Variants in PLG observed in about 807,000 individuals in gnomAD.
PLG encodes plasmin.
In PLG, 41 loss-of-function variants were observed where a neutral mutation model predicts 104.4. That is an observed-to-expected ratio of 0.39 (90% CI 0.31 to 0.51). The LOEUF is 0.51. Among genes scored for constraint, PLG ranks in the 20% least tolerant of loss-of-function variants. The probability of loss-of-function intolerance (pLI) is 0.76; values close to 1 mark genes in which losing one functional copy is unlikely to be tolerated. For missense variants in PLG, 891 were observed against 1,003.6 expected, an observed-to-expected ratio of 0.89 and a Z score of 1.52; for synonymous variants, 337 against 357.1, an observed-to-expected ratio of 0.94 and a Z score of 0.63.
chr6:160,743,590 TCA>T (rs1778230375), intron 17 of PLG, among the ~76,000 whole-genome samples: 2 of 152,134 alleles, frequency 1.3e-5, no homozygotes, highest in Admixed American at 6.5e-5. Flanking sequence ...AGACATAGAG[TCA>T]TGTCATCTGC....
At chr6:160,742,036 C>T (rs769295100) in intron 17 of PLG, among the ~76,000 whole-genome samples, 3 of 152,138 alleles carry the variant, frequency 2.0e-5, no homozygotes, top group Non-Finnish European at 2.9e-5. Flanking sequence ...TGTATATGTA[C>T]CACATATTCT....
Position 160,735,634 on chromosome 6 carries a change from C to G in PLG, c.1682-1253C>G, listed in dbSNP as rs147492830. 1.3e-5 allele frequency among the ~76,000 whole-genome samples: 2 copies of G among 152,300 alleles called. No individual in the cohort carries two copies. The highest frequency in any genetic ancestry group is 4.1e-4 in the South Asian group (2 of 4,820). On this transcript the variant is annotated intron_variant, in intron 13 of 18. Coordinates refer to ENST00000308192, the MANE Select transcript of PLG (RefSeq NM_000301.5). The surrounding 1 kb of genome is among the most constrained non-coding windows in gnomAD (Gnocchi z 5.4). Reference sequence around the variant, plus strand: ...GGATATGGTTTATTCAGGTTTGACTCGTGCTTGAGAAAGCTAGAGCCTCTG... The same window carrying G: ...GGATATGGTTTATTCAGGTTTGACTGGTGCTTGAGAAAGCTAGAGCCTCTG...
chr6:160,730,899 A>G, intron 10 of PLG, 152 bp from the exon 11 acceptor site: 1 of 723,710 alleles, frequency 1.4e-6, no homozygotes, highest in Non-Finnish European at 2.4e-6. Flanking sequence ...GAAGTTGAGG[A>G]CCATTTTTGT....
At chr6:160,718,219 C>A in intron 7 of PLG, 75 bp from the exon 8 acceptor site, 2 of 1,338,254 alleles carry the variant, frequency 1.5e-6, no homozygotes, top group South Asian at 1.2e-5. Context: ...GCCACTGACT[C>A]CAGCCTGGGC....
At position 160,706,474 on chromosome 6, in the gene PLG, G is replaced by A. The variant is rs1391528827; in HGVS notation, c.117G>A (p.Lys39=). ...QGASLFSVTK[K]QLGAGSIEEC... is the part of the protein sequence containing the mutation. ...CTTCACTGTTCAGTGTCACTAAGAA[G>A]CAGCTGGGAGCAGGAAGTATAGAAG... The change falls in exon 2 of 19, where the codon AAG becomes AAA. Residue 39 remains lysine (K), a synonymous_variant. Transcript: ENST00000308192. 1 of 1,613,848 alleles carries A rather than the reference G, an allele frequency of 6.2e-7. No homozygotes were observed. Among genetic ancestry groups the A allele is most frequent in the East Asian group, 2.2e-5 (1 of 44,886 alleles).
Position 160,718,390 on chromosome 6 carries a change from C to A in PLG, c.884C>A (p.Thr295Asn), listed in dbSNP as rs760457084. 1 of 1,613,792 alleles carries A rather than the reference C, an allele frequency of 6.2e-7. No individual in the cohort carries two copies. Among genetic ancestry groups the A allele is most frequent in the East Asian group, 2.2e-5 (1 of 44,884 alleles). ...GTGGCTGTTACCGTGTCCGGGCACA[C>A]CTGTCAGCACTGGAGTGCACAGACC... is the stretch of plus-strand genomic sequence containing the variant. ...GNVAVTVSGH[T>N]CQHWSAQTPH... The change falls in exon 8 of 19, where the codon ACC (threonine) becomes AAC (asparagine). Residue 295 changes from threonine (T) to asparagine (N), a missense_variant. By Grantham distance (65) the Thr-to-Asn change is moderately conservative. Transcript: ENST00000308192.
intron 4 of PLG, chr6:160,711,652 A>G (rs1777644504): frequency 6.2e-7 from 1 of 1,610,758 alleles, no homozygotes; most frequent in Admixed American, 1.7e-5. Flanking sequence ...GTTGCTTTCT[A>G]TTTTTTCTTG....
At chr6:160,710,626 C>G (rs1490426075) in intron 3 of PLG, among the ~76,000 whole-genome samples, 4 of 152,286 alleles carry the variant, frequency 2.6e-5, no homozygotes, top group Non-Finnish European at 5.9e-5. Flanking sequence ...TGGGTTGGAT[C>G]TCTTTCAGCC....
At chr6:160,749,382 C>A (rs1562383945) in intron 17 of PLG, among the ~76,000 whole-genome samples, 1 of 151,758 alleles carries the variant, frequency 6.6e-6, no homozygotes, top group East Asian at 1.9e-4. Context: ...TCAACATCAC[C>A]ATCATCACTA....
rs4252067 is a variant in PLG at position 160,706,203 on chromosome 6, T to C, written c.50-204T>C. 2,773 of 659,456 alleles carry C rather than the reference T, an allele frequency of 4.2e-3. 38 individuals are homozygous for C. Among genetic ancestry groups the C allele is most frequent in the African/African-American group, 0.034 (1,869 of 54,886 alleles). The allele number at this position is 659,456 out of a possible 1,614,324, so 40.9% of individuals were successfully genotyped here. ...CTTCTCTGGTAGTCCCCAGTGTCTT[T>C]AGTTGCCATCTTTATTTATGTCCAA... On this transcript the variant is annotated intron_variant, in intron 1 of 18. Coordinates refer to ENST00000308192, the MANE Select transcript of PLG (RefSeq NM_000301.5).
chr6:160,713,273 A>ATTTTTTTTTT, intron 5 of PLG, 148 bp downstream of exon 5: 1 of 519,702 alleles, frequency 1.9e-6, no homozygotes, highest in Admixed American at 2.9e-5. Context: ...ATTAACCTGA[A>ATTTTTTTTTT]TTTTTTTTTT....
At position 160,722,682 on chromosome 6, in the gene PLG, G is replaced by A. The variant is rs1452682710; in HGVS notation, c.1256+115G>A. ...TAGGACCAAATTTCTCTTAGACCCA[G>A]AATGTGTAGAAAAATGTCTCAAGAA... is the stretch of plus-strand genomic sequence containing the variant. On this transcript the variant is annotated intron_variant, in intron 10 of 18. Coordinates refer to ENST00000308192, the MANE Select transcript of PLG (RefSeq NM_000301.5). The A allele has an allele frequency of 1.5e-5, 13 of 886,140 alleles. 1 individual carries two copies. The highest frequency in any genetic ancestry group is 2.4e-5 in the Non-Finnish European group (13 of 537,710). 54.9% of individuals were successfully genotyped at this position (886,140 alleles called of 1,614,324 possible).
At chr6:160,747,836 G>T (rs1289418067) in intron 17 of PLG, among the ~76,000 whole-genome samples, 1 of 152,192 alleles carries the variant, frequency 6.6e-6, no homozygotes, top group Admixed American at 6.5e-5. Flanking sequence ...GTGCCAGGCT[G>T]CTCCCAGTGT....
At position 160,718,676 on chromosome 6, in the gene PLG, A is replaced by G; in HGVS notation, c.951-17A>G. ...TTTCTTTTTGGAAAGCTAAACTCAC[A>G]ATCACTTCTTTTTCAGAAATTTGGA... On this transcript the variant is annotated splice_polypyrimidine_tract_variant and intron_variant, in intron 8 of 18. Coordinates refer to ENST00000308192, the MANE Select transcript of PLG (RefSeq NM_000301.5). 1 of 1,613,738 alleles carries G rather than the reference A, an allele frequency of 6.2e-7. No homozygotes were observed. The highest frequency in any genetic ancestry group is 8.5e-7 in the Non-Finnish European group (1 of 1,179,686).
intron 9 of PLG, among the ~76,000 whole-genome samples, chr6:160,720,973 A>T (rs1401013466): frequency 2.6e-5 from 4 of 151,102 alleles, no homozygotes. Flanking sequence ...TTTATGGATT[A>T]TTTTTTCAGT....
chr6:160,749,843 TACC>T (rs536034297), intron 17 of PLG, among the ~76,000 whole-genome samples: 91 of 145,370 alleles, frequency 6.3e-4, no homozygotes, highest in South Asian at 4.5e-3. Context: ...CAATTATCAT[TACC>T]ACCACCATCA....
intron 17 of PLG, among the ~76,000 whole-genome samples, chr6:160,748,643 C>G (rs1006205535): frequency 1.3e-5 from 2 of 152,148 alleles, no homozygotes; most frequent in Non-Finnish European, 2.9e-5. Flanking sequence ...TTGTATCTAA[C>G]ATGACTCTTT....
At chr6:160,707,200 G>C (rs1777543097) in intron 2 of PLG, among the ~76,000 whole-genome samples, 1 of 152,110 alleles carries the variant, frequency 6.6e-6, no homozygotes, top group South Asian at 2.1e-4. Context: ...GAGACTTTGT[G>C]TAGGTGACGG....
rs193235051 is a variant in PLG, at chr6:160,714,267, T to G, written c.548-527T>G. On this transcript the variant is annotated intron_variant, in intron 5 of 18. Coordinates refer to ENST00000308192, the MANE Select transcript of PLG (RefSeq NM_000301.5). ...AACATAAAAAGAGAAGCGCTGTCAC[T>G]TCAGGTGAATATTGTTCTCCCTGAG... Among the ~76,000 whole-genome samples, 451 of 152,350 alleles carry G rather than the reference T, an allele frequency of 3.0e-3. 1 individual carries two copies. Among genetic ancestry groups the G allele is most frequent in the Admixed American group, 6.0e-3 (92 of 15,308 alleles).
Sources: gnomAD v4.1 joint callset for allele counts (sites outside exome capture counted in the v4.1 genomes callset) on GRCh38, gnomAD v4.1.1 for gene constraint, Gnocchi (gnomAD v3.1) non-coding constraint, MANE v1.5 for transcripts, NCBI Gene and HGNC (gene_info 2026-07-23, HGNC 2026-07-21) for gene names.